The following TPPP variants were observed in gnomAD, a reference collection of about 807,000 sequenced individuals.
The protein encoded by TPPP is tubulin polymerization promoting protein.
Under a neutral mutation model 15.5 loss-of-function variants are expected in TPPP, and 6 were observed. The observed-to-expected ratio is 0.39, with a 90% CI of 0.21 to 0.77. The LOEUF (loss-of-function observed/expected upper bound fraction) is 0.77. Ranked by LOEUF, TPPP falls within the 30% of genes least tolerant of loss-of-function variation. The pLI, the probability that TPPP is intolerant of heterozygous loss-of-function variation, is 0.42. For missense variants in TPPP, 269 were observed against 307.2 expected (o/e 0.88, Z 0.93); for synonymous variants, 146 against 133.9 (o/e 1.09, Z -0.63).
chr5:693,781 C>T (rs1314102788), upstream of TPPP, among the ~76,000 whole-genome samples: 2 of 148,850 alleles, frequency 1.3e-5, no homozygotes, highest in Non-Finnish European at 3.0e-5. Context: ...GGGTTGGCGG[C>T]GGGGCCTCGA....
intron 1 of TPPP, among the ~76,000 whole-genome samples, chr5:679,085 T>G (rs1219731575): frequency 6.6e-6 from 1 of 152,118 alleles, no homozygotes; most frequent in Non-Finnish European, 1.5e-5. Context: ...GGAGGGTCCG[T>G]GCCGAGGACA....
chr5:677,361 C>T (rs1740485177), intron 2 of TPPP, among the ~76,000 whole-genome samples: 1 of 152,216 alleles, frequency 6.6e-6, no homozygotes, highest in Non-Finnish European at 1.5e-5. Flanking sequence ...GCAGCCACTG[C>T]CCCCACTCCT....
At chr5:686,359 G>C (rs1229114347) in intron 1 of TPPP, among the ~76,000 whole-genome samples, 1 of 152,126 alleles carries the variant, frequency 6.6e-6, no homozygotes, top group Non-Finnish European at 1.5e-5. Context: ...AGGCACAATG[G>C]GTTACAGGAG....
intron 2 of TPPP, among the ~76,000 whole-genome samples, chr5:667,364 C>T (rs772897399): frequency 6.6e-6 from 1 of 152,142 alleles, no homozygotes; most frequent in Non-Finnish European, 1.5e-5. Flanking sequence ...AACTGGTGAT[C>T]CCTGTGCAAA....
At chr5:688,958 C>T (rs1257303852) in intron 1 of TPPP, among the ~76,000 whole-genome samples, 1 of 109,056 alleles carries the variant, frequency 9.2e-6, no homozygotes, top group African/African-American at 2.9e-5. Context: ...GGTCAGGTCC[C>T]CGGGGCTGGC....
At position 660,162 on chromosome 5, in the gene TPPP, G is replaced by A. The variant is rs937607225; in HGVS notation, c.*4940C>T. ...TCACACTGATAAAGTGATGCACTCAGTACTCCCTAATGTTAATCACACAGT... is the reference window on the plus strand; with the variant it reads ...TCACACTGATAAAGTGATGCACTCAATACTCCCTAATGTTAATCACACAGT... On this transcript the variant is annotated 3_prime_UTR_variant, in exon 4 of 4. Transcript: ENST00000360578. 1 of 151,520 alleles carries A rather than the reference G, an allele frequency of 6.6e-6. No individual in the cohort carries two copies. Among genetic ancestry groups the A allele is most frequent in the Non-Finnish European group, 1.5e-5 (1 of 67,948 alleles). The allele number at this position is 151,520 out of a possible 1,614,324, so 9.4% of individuals were successfully genotyped here.
intron 1 of TPPP, among the ~76,000 whole-genome samples, chr5:687,253 C>A (rs1179826401): frequency 7.1e-6 from 1 of 140,502 alleles, no homozygotes; most frequent in South Asian, 2.3e-4. Flanking sequence ...GTTGTGTTAA[C>A]CCCGGACTGT....
intron 2 of TPPP, among the ~76,000 whole-genome samples, chr5:668,893 G>T (rs1283018288): frequency 6.6e-6 from 1 of 152,146 alleles, no homozygotes; most frequent in Non-Finnish European, 1.5e-5. Flanking sequence ...GTGCCAAGTG[G>T]CCAGGCTTGG....
rs528458616 is a variant in TPPP at position 677,895 on chromosome 5, G to A, written c.166C>T (p.Arg56Trp). Reference protein sequence around the residue: ...PELSALEEAFRRFAVHGDARA... With the variant: ...PELSALEEAFWRFAVHGDARA... ...GCGTCCCCGTGCACGGCAAAGCGCC[G>A]GAAGGCCTCCTCCAGGGCACTGAGC... Residue 56 changes from arginine (R) to tryptophan (W), a missense_variant, in exon 2 of 4, where the codon CGG becomes TGG. Arg to Trp is a moderately radical substitution (Grantham distance 101). Coordinates refer to ENST00000360578, the MANE Select transcript of TPPP (RefSeq NM_007030.3). 80 of 1,612,696 alleles carry A rather than the reference G, an allele frequency of 5.0e-5. No homozygotes were observed. The highest frequency in any genetic ancestry group is 6.4e-5 in the Non-Finnish European group (75 of 1,179,896).
intron 2 of TPPP, among the ~76,000 whole-genome samples, chr5:672,020 A>T (rs1483332149): frequency 1.3e-5 from 2 of 152,238 alleles, no homozygotes; most frequent in African/African-American, 4.8e-5. Flanking sequence ...CAGTGCTCTG[A>T]GGACCTCACT....
intron 2 of TPPP, among the ~76,000 whole-genome samples, chr5:677,453 C>A (rs994794087): frequency 6.6e-6 from 1 of 152,332 alleles, no homozygotes; most frequent in East Asian, 1.9e-4. Flanking sequence ...GGCCAGACAT[C>A]CCCTCATAGG....
At chr5:681,390 C>T (rs1252363661) in intron 1 of TPPP, among the ~76,000 whole-genome samples, 3 of 152,258 alleles carry the variant, frequency 2.0e-5, no homozygotes, top group South Asian at 2.1e-4. Flanking sequence ...AGGGGGTCAC[C>T]CTGCACTCCC....
At chr5:668,598 C>T (rs138577668) in intron 2 of TPPP, among the ~76,000 whole-genome samples, 81 of 152,360 alleles carry the variant, frequency 5.3e-4, no homozygotes, top group African/African-American at 1.6e-3. Flanking sequence ...GTGGGGGCCT[C>T]GTCCACACCC....
rs866973678 is a variant in TPPP at position 663,132 on chromosome 5, C to A, written c.*1970G>T. ...CCGCTCGTCTGTGATCGGGCGATTC[C>A]GGTGACCGCTCGTCTGTGATCGGGT... On this transcript the variant is annotated 3_prime_UTR_variant, in exon 4 of 4. Transcript: ENST00000360578. 1 of 112,928 alleles carries A rather than the reference C, an allele frequency of 8.9e-6. No individual in the cohort carries two copies. Among genetic ancestry groups the A allele is most frequent in the Admixed American group, 9.0e-5 (1 of 11,172 alleles). 7.0% of individuals were successfully genotyped at this position (112,928 alleles called of 1,614,324 possible). A position where few individuals can be genotyped will look rare whatever the true frequency, so the allele number is the denominator to read the frequency against.
intron 1 of TPPP, among the ~76,000 whole-genome samples, chr5:684,489 G>A (rs1409889662): frequency 2.6e-5 from 4 of 152,098 alleles, no homozygotes; most frequent in African/African-American, 9.7e-5. Flanking sequence ...AGACCACAGC[G>A]ACCCGAAGCC....
chr5:682,797 G>A (rs1481639500), intron 1 of TPPP, among the ~76,000 whole-genome samples: 1 of 152,260 alleles, frequency 6.6e-6, no homozygotes, highest in African/African-American at 2.4e-5. Flanking sequence ...TCTCCATGTG[G>A]ATGGCTGTGG....
Position 662,880 on chromosome 5 carries a change from ATTCC to A in TPPP, c.*2218_*2221del, listed in dbSNP as rs1469166142. 2 of 143,738 alleles carry A rather than the reference ATTCC, an allele frequency of 1.4e-5. No homozygotes were observed. Among genetic ancestry groups the A allele is most frequent in the African/African-American group, 5.5e-5 (2 of 36,506 alleles). 8.9% of individuals were successfully genotyped at this position (143,738 alleles called of 1,614,324 possible). A position where few individuals can be genotyped will look rare whatever the true frequency, so the allele number is the denominator to read the frequency against. On this transcript the variant is annotated 3_prime_UTR_variant, in exon 4 of 4. Coordinates refer to ENST00000360578, the MANE Select transcript of TPPP (RefSeq NM_007030.3). The stretch of plus-strand genomic sequence containing the variant: ...GTGGCCACTCGTCTGTGATCGGGTG[ATTCC>A]GATGACTGCTCGTCTGTGATCGGGC...
At chr5:685,925 G>A (rs1328963131) in intron 1 of TPPP, among the ~76,000 whole-genome samples, 2 of 152,198 alleles carry the variant, frequency 1.3e-5, no homozygotes, top group African/African-American at 4.8e-5. Flanking sequence ...CACTATGGCT[G>A]AGTATCCAGG....
At chr5:668,625 A>G (rs1030584318) in intron 2 of TPPP, among the ~76,000 whole-genome samples, 9 of 152,260 alleles carry the variant, frequency 5.9e-5, no homozygotes, top group African/African-American at 2.2e-4. Flanking sequence ...GCAACGCGGC[A>G]GAGCCACTGT....
Sources: allele counts gnomAD v4.1 joint callset (sites outside exome capture counted in the v4.1 genomes callset), GRCh38; gene constraint gnomAD v4.1.1; transcripts MANE v1.5; gene names NCBI Gene and HGNC (gene_info 2026-07-23, HGNC 2026-07-21).